ZNF385D: variants seen among roughly 807,000 people sequenced by gnomAD.
ZNF385D encodes the protein zinc finger protein 385D.
In ZNF385D, 15 loss-of-function variants were observed where a neutral mutation model predicts 35.8. The ratio of observed to expected loss-of-function variants is 0.42; its 90% CI spans 0.28 to 0.64. ZNF385D has a LOEUF of 0.64. Ranked by LOEUF, ZNF385D falls within the 30% of genes least tolerant of loss-of-function variation. The pLI, the probability that ZNF385D is intolerant of heterozygous loss-of-function variation, is 0.23. For missense variants in ZNF385D, 474 were observed against 494.6 expected (o/e 0.96, Z 0.39); for synonymous variants, 212 against 186.8 (o/e 1.13, Z -1.10).
At chr3:21,658,362 A>C (rs978296170) in intron 2 of ZNF385D, among the ~76,000 whole-genome samples, 9 of 152,030 alleles carry the variant, frequency 5.9e-5, no homozygotes, top group African/African-American at 1.4e-4. Flanking sequence ...ACTCGAGTCT[A>C]TGCTTGCTTT....
chr3:22,168,725 A>T (rs1259410758), intron 3 of ZNF385D: 1 of 779,996 alleles, frequency 1.3e-6, no homozygotes, highest in Admixed American at 6.2e-5. Context: ...GGTTTAAAAA[A>T]ATAGTTCATT....
chr3:21,812,560 G>C (rs2072970901), intron 3 of ZNF385D, among the ~76,000 whole-genome samples: 1 of 152,256 alleles, frequency 6.6e-6, no homozygotes, highest in Admixed American at 6.5e-5. Context: ...CCCATGCCTG[G>C]CTTGGAGGGT....
chr3:22,014,988 T>C (rs1696795261), intron 3 of ZNF385D, among the ~76,000 whole-genome samples: 1 of 152,072 alleles, frequency 6.6e-6, no homozygotes, highest in South Asian at 2.1e-4. Context: ...ATTTCATTCA[T>C]CATACATGTC....
intron 3 of ZNF385D, among the ~76,000 whole-genome samples, chr3:21,926,370 G>A (rs1259195068): frequency 6.6e-6 from 1 of 152,116 alleles, no homozygotes; most frequent in South Asian, 2.1e-4. Flanking sequence ...ACTTATGAGT[G>A]AGAACATGCA....
At chr3:21,700,838 A>C (rs1281045679) in intron 1 of ZNF385D, among the ~76,000 whole-genome samples, 1 of 152,220 alleles carries the variant, frequency 6.6e-6, no homozygotes, top group African/African-American at 2.4e-5. Context: ...AAGCAGTTCC[A>C]GTTCATCTCT....
At chr3:22,106,915 C>A (rs953101761) in intron 3 of ZNF385D, among the ~76,000 whole-genome samples, 1 of 151,982 alleles carries the variant, frequency 6.6e-6, no homozygotes, top group Non-Finnish European at 1.5e-5. Context: ...TCTACTCTTG[C>A]TAGTTATGGT....
At chr3:21,959,234 A>G (rs1702451562) in intron 3 of ZNF385D, among the ~76,000 whole-genome samples, 1 of 152,204 alleles carries the variant, frequency 6.6e-6, no homozygotes, top group African/African-American at 2.4e-5. Flanking sequence ...AAATAGGAAT[A>G]AAGTGTAGTG....
At chr3:21,667,800 A>C (rs2066451922) in intron 1 of ZNF385D, among the ~76,000 whole-genome samples, 1 of 152,218 alleles carries the variant, frequency 6.6e-6, no homozygotes, top group Non-Finnish European at 1.5e-5. Flanking sequence ...AAATATGTCC[A>C]TTCAATTATC....
intron 3 of ZNF385D, among the ~76,000 whole-genome samples, chr3:21,942,877 T>C (rs1302941545): frequency 6.6e-6 from 1 of 152,156 alleles, no homozygotes; most frequent in Non-Finnish European, 1.5e-5. Context: ...AAACATAGGA[T>C]TTCACCAAAA....
intron 3 of ZNF385D, among the ~76,000 whole-genome samples, chr3:21,913,659 A>G (rs992221147): frequency 6.6e-6 from 1 of 152,134 alleles, no homozygotes; most frequent in Admixed American, 6.6e-5. Flanking sequence ...TTCTGTTTAT[A>G]CAAAGGTTAC....
chr3:21,473,487 G>A (rs1051397996), intron 4 of ZNF385D, among the ~76,000 whole-genome samples: 2 of 152,070 alleles, frequency 1.3e-5, no homozygotes, highest in Admixed American at 6.6e-5. Flanking sequence ...ATGTGTGGTT[G>A]TTTTCTAGTT....
chr3:22,001,401 A>T (rs535105066), intron 3 of ZNF385D, among the ~76,000 whole-genome samples: 8 of 152,260 alleles, frequency 5.3e-5, no homozygotes, highest in African/African-American at 1.9e-4. Context: ...AAGTCATTAT[A>T]TAATAATAAA....
chr3:21,770,325 T>A (rs1215725332), intron 3 of ZNF385D, among the ~76,000 whole-genome samples: 1 of 152,128 alleles, frequency 6.6e-6, no homozygotes, highest in African/African-American at 2.4e-5. Flanking sequence ...AAGAAAATTG[T>A]TGTAATCAAC....
chr3:21,733,267 A>C (rs189119142), intron 1 of ZNF385D, among the ~76,000 whole-genome samples: 13 of 152,236 alleles, frequency 8.5e-5, no homozygotes, highest in African/African-American at 2.6e-4. Flanking sequence ...CACCAATACC[A>C]CAATATCTTG....
chr3:21,559,759 G>A (rs1256388184), intron 3 of ZNF385D, among the ~76,000 whole-genome samples: 1 of 152,134 alleles, frequency 6.6e-6, no homozygotes, highest in Admixed American at 6.5e-5. Flanking sequence ...GAGTGTTTTT[G>A]AACTTGGTTC....
At chr3:21,808,627 T>G (rs1331290747) in intron 3 of ZNF385D, among the ~76,000 whole-genome samples, 1 of 152,318 alleles carries the variant, frequency 6.6e-6, no homozygotes, top group East Asian at 1.9e-4. Context: ...TGTCAATTAT[T>G]CCTCTCCTGC....
intron 2 of ZNF385D, among the ~76,000 whole-genome samples, chr3:22,297,322 C>A (rs1028964150): frequency 3.3e-5 from 5 of 152,082 alleles, no homozygotes; most frequent in African/African-American, 1.2e-4. Context: ...CCGCCTTTCC[C>A]TTCATCTGAA....
chr3:22,006,371 A>G (rs1049252257), intron 3 of ZNF385D, among the ~76,000 whole-genome samples: 10 of 152,130 alleles, frequency 6.6e-5, no homozygotes, highest in Non-Finnish European at 1.2e-4. Context: ...CAAGTAATAA[A>G]AAGCTTGTAA....
chr3:22,050,875 ATTTCTGTTCTTT>A (rs1699311723), intron 3 of ZNF385D, among the ~76,000 whole-genome samples: 1 of 26,106 alleles, frequency 3.8e-5, no homozygotes, highest in Non-Finnish European at 8.2e-5. Context: ...ATGTGTTATA[ATTTCTGTTCTTT>A]TACATTTGCT....
Sources: allele counts gnomAD v4.1 joint callset (sites outside exome capture counted in the v4.1 genomes callset), GRCh38; gene constraint gnomAD v4.1.1; transcripts MANE v1.5; gene names NCBI Gene and HGNC (gene_info 2026-07-23, HGNC 2026-07-21).